Variants in MGAT4C observed in about 807,000 individuals in gnomAD.
MGAT4C encodes MGAT4 family member C, also known as alpha-1,3-mannosyl-glycoprotein 4-beta-N-acetylglucosaminyltransferase C.
MGAT4C carries 19 observed loss-of-function variants against 40.1 expected under a neutral mutation model. That is an observed-to-expected ratio of 0.47 (90% confidence interval 0.33 to 0.70). The LOEUF is 0.70. Among genes scored for constraint, MGAT4C ranks in the 30% least tolerant of loss-of-function variants. The pLI, the probability that MGAT4C is intolerant of heterozygous loss-of-function variation, is 0.02. For missense variants in MGAT4C, 491 were observed against 563.2 expected (o/e 0.87, Z 1.30); for synonymous variants, 181 against 187.1 (o/e 0.97, Z 0.27).
At chr12:86,756,579 G>A (rs889657243) in intron 1 of MGAT4C, among the ~76,000 whole-genome samples, 1 of 151,932 alleles carries the variant, frequency 6.6e-6, no homozygotes, top group Non-Finnish European at 1.5e-5. Context: ...AGTATAAACT[G>A]AATAGCATAT....
intron 2 of MGAT4C, among the ~76,000 whole-genome samples, chr12:86,655,511 C>T (rs58880486): frequency 0.087 from 13,257 of 152,018 alleles, 947 homozygotes; most frequent in African/African-American, 0.2. Context: ...TACACAAATA[C>T]TATGCAACAC....
chr12:86,682,066 C>G (rs1023902856), intron 2 of MGAT4C, among the ~76,000 whole-genome samples: 3 of 151,886 alleles, frequency 2.0e-5, no homozygotes, highest in African/African-American at 7.2e-5. Flanking sequence ...CAGATTTTTG[C>G]ATCTTAATTT....
rs867299937 is a variant in MGAT4C at position 86,235,458 on chromosome 12, C to T, written c.-57+20781G>A. Among the ~76,000 whole-genome samples, 9 of 152,200 alleles carry T rather than the reference C, an allele frequency of 5.9e-5. No homozygotes were observed. In the South Asian group the frequency reaches 1.9e-3, roughly 31 times the overall value. ...AACAGATTACAACATAAACTACATA[C>T]TAAGGCGTTACAAGATTTATTTTGT... On this transcript the variant is annotated intron_variant, in intron 1 of 4. Transcript: ENST00000611864.
intron 2 of MGAT4C, among the ~76,000 whole-genome samples, chr12:86,634,876 T>C (rs1404650852): frequency 6.6e-6 from 1 of 152,176 alleles, no homozygotes; most frequent in East Asian, 1.9e-4. Context: ...TCAGCCTTCA[T>C]GAAAAGAAGG....
chr12:86,370,734 TC>T (rs1955698378), intron 3 of MGAT4C, among the ~76,000 whole-genome samples: 2 of 152,044 alleles, frequency 1.3e-5, no homozygotes, highest in African/African-American at 4.8e-5. Context: ...CTTTTTTTCT[TC>T]CCCTATTTAA....
chr12:86,437,288 A>C (rs1041523960), intron 2 of MGAT4C, among the ~76,000 whole-genome samples: 1 of 151,946 alleles, frequency 6.6e-6, no homozygotes, highest in East Asian at 1.9e-4. Context: ...ATTTGTATTT[A>C]TATATACCTA....
chr12:86,316,079 CAAAAAAAAAAAAAA>C (rs71076185), intron 4 of MGAT4C, among the ~76,000 whole-genome samples: 1 of 34,062 alleles, frequency 2.9e-5, no homozygotes. Flanking sequence ...ATACAAGCAG[CAAAAAAAAAAAAAA>C]AAAAAAAAAA....
chr12:86,366,037 A>G (rs1955587367), intron 3 of MGAT4C, among the ~76,000 whole-genome samples: 1 of 152,068 alleles, frequency 6.6e-6, no homozygotes, highest in African/African-American at 2.4e-5. Flanking sequence ...ATGTTTTTCC[A>G]TTTATTTTTT....
rs149895838 is a variant in MGAT4C at position 86,106,177 on chromosome 12, T to C, written c.-56-56454A>G. ...ATTCCTGAACTCTGGATGATGCTAA[T>C]AGGTTAGTTTTTATCTTTTTTTGAC... On this transcript the variant is annotated intron_variant, in intron 1 of 4. Coordinates refer to ENST00000611864, the MANE Select transcript of MGAT4C (RefSeq NM_001351288.2). 9.0e-3 allele frequency among the ~76,000 whole-genome samples: 1,365 copies of C among 152,302 alleles called. 17 individuals carry two copies. The highest frequency in any genetic ancestry group is 0.013 in the Non-Finnish European group (858 of 68,042).
chr12:85,995,616 T>C (rs1445789682), intron 2 of MGAT4C, among the ~76,000 whole-genome samples: 2 of 152,158 alleles, frequency 1.3e-5, no homozygotes, highest in Non-Finnish European at 2.9e-5. Context: ...GCCTGTATTC[T>C]CAAAACTTTG....
At chr12:86,515,728 T>C (rs370055888) in intron 2 of MGAT4C, among the ~76,000 whole-genome samples, 155 of 151,396 alleles carry the variant, frequency 1.0e-3, no homozygotes, top group African/African-American at 3.3e-3. Context: ...TATAAACATT[T>C]AAAGCAATTC....
rs1403716019 is a variant in MGAT4C at position 85,976,106 on chromosome 12, A to G, written c.*3183T>C. On this transcript the variant is annotated 3_prime_UTR_variant, in exon 5 of 5. Transcript: ENST00000611864. ...AAAATGTTTGTTTCATTTTTTATAT[A>G]ATTATTATACAGAACAGTTTTTCTA... 2.0e-5 allele frequency: 3 copies of G among 151,100 alleles called. No homozygotes were observed. Among genetic ancestry groups the G allele is most frequent in the Non-Finnish European group, 1.5e-5 (1 of 67,228 alleles). The allele number at this position is 151,100 out of a possible 1,614,324, so 9.4% of individuals were successfully genotyped here. A position where few individuals can be genotyped will look rare whatever the true frequency, so the allele number is the denominator to read the frequency against.
chr12:86,643,020 T>A (rs1377946916), intron 2 of MGAT4C, among the ~76,000 whole-genome samples: 1 of 151,788 alleles, frequency 6.6e-6, no homozygotes, highest in Non-Finnish European at 1.5e-5. Flanking sequence ...CTGTTAGGCA[T>A]ATACTTTTCT....
intron 2 of MGAT4C, among the ~76,000 whole-genome samples, chr12:86,015,125 G>A (rs932536959): frequency 6.6e-6 from 1 of 150,702 alleles, no homozygotes; most frequent in Non-Finnish European, 1.5e-5. Flanking sequence ...TCCTACTTCT[G>A]TTTTTTCACT....
intron 2 of MGAT4C, among the ~76,000 whole-genome samples, chr12:86,677,595 T>C (rs1949890333): frequency 6.6e-6 from 1 of 152,158 alleles, no homozygotes; most frequent in African/African-American, 2.4e-5. Flanking sequence ...TACTGAGGAA[T>C]GTTGAAAGTT....
intron 2 of MGAT4C, among the ~76,000 whole-genome samples, chr12:86,519,450 T>C (rs1958752968): frequency 2.0e-5 from 3 of 152,128 alleles, no homozygotes; most frequent in Non-Finnish European, 2.9e-5. Context: ...CATGTGGCAG[T>C]TCTACCTTTA....
rs1270939139 is a variant in MGAT4C, at chr12:85,978,216, G to A, written c.*1073C>T. Reference sequence around the variant, plus strand: ...AGGCATGTAGCAAATAGAACACAAAGCATAAATCTGTCAGGAGAAATCATA... The same window carrying A: ...AGGCATGTAGCAAATAGAACACAAAACATAAATCTGTCAGGAGAAATCATA... On this transcript the variant is annotated 3_prime_UTR_variant, in exon 5 of 5. Coordinates refer to ENST00000611864, the MANE Select transcript of MGAT4C (RefSeq NM_001351288.2). 9 of 151,568 alleles carry A rather than the reference G, an allele frequency of 5.9e-5. No individual in the cohort carries two copies. Among genetic ancestry groups the A allele is most frequent in the Non-Finnish European group, 4.4e-5 (3 of 67,652 alleles). The allele number at this position is 151,568 out of a possible 1,614,324, so 9.4% of individuals were successfully genotyped here.
intron 4 of MGAT4C, among the ~76,000 whole-genome samples, chr12:86,329,102 C>CAATAAATA (rs59833458): frequency 0.052 from 7,229 of 139,280 alleles, 238 homozygotes; most frequent in Non-Finnish European, 0.068. Flanking sequence ...GACTCCATTT[C>CAATAAATA]AATAAATAAA....
intron 2 of MGAT4C, among the ~76,000 whole-genome samples, chr12:86,508,579 T>C (rs1958514294): frequency 6.6e-6 from 1 of 152,042 alleles, no homozygotes; most frequent in African/African-American, 2.4e-5. Context: ...TACCCAGTAA[T>C]GGGATGGCTG....
Sources: gnomAD v4.1 joint callset for allele counts (sites outside exome capture counted in the v4.1 genomes callset) on GRCh38, gnomAD v4.1.1 for gene constraint, MANE v1.5 for transcripts, NCBI Gene and HGNC (gene_info 2026-07-23, HGNC 2026-07-21) for gene names.